The following RABGEF1 variants were observed in gnomAD, a reference collection of about 807,000 sequenced individuals.
The protein encoded by RABGEF1 is RAB guanine nucleotide exchange factor 1.
RABGEF1 carries 26 observed loss-of-function variants against 57.3 expected under a neutral mutation model. The observed-to-expected ratio is 0.45, with a 90% CI of 0.33 to 0.63. The LOEUF (loss-of-function observed/expected upper bound fraction) is 0.63, where lower values mean the gene tolerates loss of function less well. Ranked by LOEUF, RABGEF1 falls within the 20% of genes least tolerant of loss-of-function variation. The pLI, the probability that RABGEF1 is intolerant of heterozygous loss-of-function variation, is 0.02. For synonymous variants in RABGEF1, 185 were observed against 210.7 expected (o/e 0.88, Z 1.06); for missense variants, 464 against 607.6 (o/e 0.76, Z 2.48).
chr7:66,761,392 G>A (rs1292108605), intron 1 of RABGEF1, among the ~76,000 whole-genome samples: 3 of 152,162 alleles, frequency 2.0e-5, no homozygotes, highest in Admixed American at 6.5e-5. Context: ...TGCTGAGGTG[G>A]TTTACAGAAC....
chr7:66,656,778 C>T, the RABGEF1 span, among the ~76,000 whole-genome samples: 1 of 148,330 alleles, frequency 6.7e-6, no homozygotes, highest in African/African-American at 2.5e-5. Context: ...CAAGATCACG[C>T]CATTGCACTC....
intron 1 of RABGEF1, among the ~76,000 whole-genome samples, chr7:66,685,844 G>A (rs766768049): frequency 6.6e-6 from 1 of 152,170 alleles, no homozygotes; most frequent in Non-Finnish European, 1.5e-5. Context: ...TTTCTGGCAC[G>A]TGGGGTTTTA....
rs576511359 is a variant in RABGEF1, at chr7:66,795,399, T to C, written c.514-112T>C. ...CAGGATTAATATAACCTGTGAGTAC[T>C]TTTAGGCTTACTACCAGTACAAGGA... On this transcript the variant is annotated intron_variant, in intron 4 of 8. Transcript: ENST00000284957. 53 of 833,410 alleles carry C rather than the reference T, an allele frequency of 6.4e-5. 1 individual carries two copies. Among genetic ancestry groups the C allele is most frequent in the South Asian group, 6.2e-4 (45 of 72,418 alleles). The allele number at this position is 833,410 out of a possible 1,614,324, so 51.6% of individuals were successfully genotyped here.
upstream of RABGEF1, among the ~76,000 whole-genome samples, chr7:66,738,425 A>G (rs973336461): frequency 6.6e-6 from 1 of 152,082 alleles, no homozygotes; most frequent in Admixed American, 6.5e-5. Flanking sequence ...TCTTCTGCTC[A>G]GCCCATTGAA....
intron 1 of RABGEF1, among the ~76,000 whole-genome samples, chr7:66,696,691 A>G (rs1218938442): frequency 2.6e-5 from 3 of 113,856 alleles, no homozygotes; most frequent in Non-Finnish European, 5.7e-5. Flanking sequence ...CTCCGTCTCA[A>G]AAAAAAAAAA....
chr7:66,750,586 A>G (rs1801184249), intron 1 of RABGEF1, among the ~76,000 whole-genome samples: 1 of 152,240 alleles, frequency 6.6e-6, no homozygotes, highest in Non-Finnish European at 1.5e-5. Flanking sequence ...CAATGCATTA[A>G]AAGATACATA....
At chr7:66,755,710 G>A (rs535736893) in intron 1 of RABGEF1, among the ~76,000 whole-genome samples, 1 of 152,064 alleles carries the variant, frequency 6.6e-6, no homozygotes, top group East Asian at 1.9e-4. Flanking sequence ...CTGTTATTCC[G>A]GAGAATGGCA....
At chr7:66,731,484 C>T (rs2659895) in intron 2 of RABGEF1, among the ~76,000 whole-genome samples, 7 of 151,708 alleles carry the variant, frequency 4.6e-5, no homozygotes, top group African/African-American at 1.7e-4. Context: ...TGGGAGGCCA[C>T]CGCAGGTGGA....
chr7:66,763,979 A>G (rs928658799), intron 1 of RABGEF1, among the ~76,000 whole-genome samples: 9 of 152,110 alleles, frequency 5.9e-5, no homozygotes, highest in Non-Finnish European at 1.0e-4. Context: ...ACATGTTTTT[A>G]TTTCTCTTAG....
chr7:66,697,030 CT>C (rs1562706303), intron 1 of RABGEF1, among the ~76,000 whole-genome samples: 1 of 152,178 alleles, frequency 6.6e-6, no homozygotes, highest in South Asian at 2.1e-4. Flanking sequence ...GGAGGCACCC[CT>C]GACCCCATGC....
chr7:66,767,930 G>A (rs1583908747), intron 1 of RABGEF1, among the ~76,000 whole-genome samples: 1 of 152,212 alleles, frequency 6.6e-6, no homozygotes, highest in African/African-American at 2.4e-5. Flanking sequence ...CATCAAAGTT[G>A]TTGGGTGTAC....
chr7:66,772,044 A>T lies in RABGEF1; in HGVS notation c.145A>T (p.Lys49Ter). 1 of 1,574,446 alleles carries T rather than the reference A, an allele frequency of 6.4e-7. No homozygotes were observed. Among genetic ancestry groups the T allele is most frequent in the Non-Finnish European group, 8.6e-7 (1 of 1,161,326 alleles). The change falls in exon 2 of 9, where the codon AAG becomes TAG. Residue 49 changes from lysine (K) to a stop codon, truncating the protein, a stop_gained. Transcript: ENST00000284957. LOFTEE classifies it high-confidence loss of function. The stretch of plus-strand genomic sequence containing the variant: ...GGAAGAGTACCACAAAGCCAGGCAG[A>T]AGCAGATTCAGGAGGACTGGGAGCT... ...WREEYHKARQ[K>*]QIQEDWELAE...
chr7:66,726,380 A>G (rs1796585250), intron 2 of RABGEF1, among the ~76,000 whole-genome samples: 1 of 151,982 alleles, frequency 6.6e-6, no homozygotes, highest in Non-Finnish European at 1.5e-5. Flanking sequence ...ATTTTTTTTA[A>G]GAGGGACAGG....
At chr7:66,800,223 A>C (rs1267136434) in intron 7 of RABGEF1, among the ~76,000 whole-genome samples, 1 of 152,224 alleles carries the variant, frequency 6.6e-6, no homozygotes, top group Non-Finnish European at 1.5e-5. Flanking sequence ...CCAGAGACTC[A>C]CCCAAGCTAC....
In RABGEF1 at chr7:66,773,839, T is replaced by G. The variant is rs186997516; in HGVS notation, c.180-1388T>G. On this transcript the variant is annotated intron_variant, in intron 2 of 8. Transcript: ENST00000284957. ...TGCCACCATGCCCAGCTAAGTTTTG[T>G]ATTTTATGTAGAGACAGGGTTTCAC... 9.7e-4 allele frequency: 407 copies of G among 419,858 alleles called. 1 individual carries two copies. Among genetic ancestry groups the G allele is most frequent in the African/African-American group, 7.6e-3 (372 of 49,128 alleles). 26.0% of individuals were successfully genotyped at this position (419,858 alleles called of 1,614,324 possible).
At chr7:66,750,727 G>GT in intron 1 of RABGEF1, among the ~76,000 whole-genome samples, 1 of 152,354 alleles carries the variant, frequency 6.6e-6, no homozygotes, top group South Asian at 2.1e-4. Context: ...TGATCAGCCA[G>GT]TTGGACTACA....
At chr7:66,694,689 G>A (rs1487458008) in intron 1 of RABGEF1, among the ~76,000 whole-genome samples, 1 of 152,212 alleles carries the variant, frequency 6.6e-6, no homozygotes, top group East Asian at 1.9e-4. Flanking sequence ...GTGGCAGTAG[G>A]GAGAGAATGA....
In RABGEF1 at chr7:66,805,288, T is replaced by C; in HGVS notation, c.969T>C (p.Val323=). Residue 323 remains valine (V), a synonymous_variant, in exon 8 of 9, where the codon GTT becomes GTC. Coordinates refer to ENST00000284957, the MANE Select transcript of RABGEF1 (RefSeq NM_014504.3). ...DDFLPTLIYI[V]LKGNPPRLQS... is the part of the protein sequence containing the mutation. Reference sequence around the variant, plus strand: ...TCCTCCCCACCCTCATCTACATTGTTTTGAAGGGCAACCCCCCACGCCTTC... The same window carrying C: ...TCCTCCCCACCCTCATCTACATTGTCTTGAAGGGCAACCCCCCACGCCTTC... The C allele has an allele frequency of 6.2e-7, 1 of 1,614,148 alleles. No homozygotes were observed. The highest frequency in any genetic ancestry group is 8.5e-7 in the Non-Finnish European group (1 of 1,180,036).
chr7:66,753,981 A>C (rs2129067306), intron 1 of RABGEF1, among the ~76,000 whole-genome samples: 1 of 149,292 alleles, frequency 6.7e-6, no homozygotes, highest in East Asian at 2.0e-4. Flanking sequence ...CTGGGATTAC[A>C]GGCATGAGCC....
Sources: gnomAD v4.1 joint callset for allele counts (sites outside exome capture counted in the v4.1 genomes callset) on GRCh38, gnomAD v4.1.1 for gene constraint, MANE v1.5 for transcripts, NCBI Gene and HGNC (gene_info 2026-07-23, HGNC 2026-07-21) for gene names.